The following RNGTT variants were observed in gnomAD, a reference collection of about 807,000 sequenced individuals.
RNGTT encodes the protein mRNA-capping enzyme.
In RNGTT, 33 loss-of-function variants were observed where a neutral mutation model predicts 79.3. The ratio of observed to expected loss-of-function variants is 0.42; its 90% CI spans 0.32 to 0.56. The LOEUF (loss-of-function observed/expected upper bound fraction) is 0.56, where lower values mean the gene tolerates loss of function less well. RNGTT is among the 20% of genes least tolerant of loss of function. RNGTT has a pLI of 0.17. For synonymous variants in RNGTT, 222 were observed against 235.9 expected (o/e 0.94, Z 0.54); for missense variants, 497 against 739.1 (o/e 0.67, Z 3.80).
chr6:88,919,707 CTTTTTTTTT>C (rs5878082), intron 4 of RNGTT, among the ~76,000 whole-genome samples: 1 of 58,480 alleles, frequency 1.7e-5, no homozygotes, highest in Non-Finnish European at 3.1e-5. Flanking sequence ...GTCAGTAGTT[CTTTTTTTTT>C]TTTTTTTTTT....
chr6:88,694,546 C>A (rs1214611254), intron 13 of RNGTT, among the ~76,000 whole-genome samples: 1 of 151,938 alleles, frequency 6.6e-6, no homozygotes, highest in African/African-American at 2.4e-5. Context: ...TCAATACAAT[C>A]CCTATCGAAA....
chr6:88,906,924 A>T (rs1312364533), intron 4 of RNGTT, among the ~76,000 whole-genome samples: 1 of 152,218 alleles, frequency 6.6e-6, no homozygotes, highest in African/African-American at 2.4e-5. Flanking sequence ...AGAGCAAATA[A>T]ACTAATAGAA....
At chr6:88,945,464 CTT>C (rs548418535) in intron 1 of RNGTT, among the ~76,000 whole-genome samples, 51 of 152,316 alleles carry the variant, frequency 3.3e-4, no homozygotes, top group African/African-American at 1.2e-3. Flanking sequence ...CACCCAAACT[CTT>C]GTTAGTTTCA....
chr6:88,879,489 C>T (rs1055245376), intron 8 of RNGTT, among the ~76,000 whole-genome samples: 4 of 152,170 alleles, frequency 2.6e-5, no homozygotes, highest in Admixed American at 6.5e-5. Flanking sequence ...TTCTACAACA[C>T]GCTATTCACA....
At chr6:88,732,853 A>T (rs1777160606) in intron 13 of RNGTT, among the ~76,000 whole-genome samples, 1 of 152,190 alleles carries the variant, frequency 6.6e-6, no homozygotes, top group Non-Finnish European at 1.5e-5. Context: ...GGATAAAAAA[A>T]GTTCTAGAGA....
chr6:88,761,426 C>A (rs573284424), intron 13 of RNGTT, among the ~76,000 whole-genome samples: 1 of 151,902 alleles, frequency 6.6e-6, no homozygotes, highest in Non-Finnish European at 1.5e-5. Flanking sequence ...GGGAGGTGGA[C>A]GGTACAGTGA....
intron 10 of RNGTT, among the ~76,000 whole-genome samples, chr6:88,847,198 C>T (rs1486222257): frequency 1.3e-5 from 2 of 151,880 alleles, no homozygotes; most frequent in African/African-American, 4.8e-5. Context: ...TGTGTTCTTC[C>T]CAAATTCCAA....
intron 14 of RNGTT, among the ~76,000 whole-genome samples, chr6:88,634,372 T>C (rs377496138): frequency 6.6e-6 from 1 of 152,100 alleles, no homozygotes; most frequent in South Asian, 2.1e-4. Context: ...TTTCCCACAA[T>C]AAAAATCTTA....
chr6:88,747,597 G>A (rs1244092063), intron 13 of RNGTT, among the ~76,000 whole-genome samples: 2 of 152,166 alleles, frequency 1.3e-5, no homozygotes, highest in African/African-American at 2.4e-5. Flanking sequence ...CTGTATCCCC[G>A]TGTTTGATGG....
rs760442698 is a variant in RNGTT, at chr6:88,929,031, A to G, written c.321T>C (p.Ile107=). The G allele has an allele frequency of 6.2e-7, 1 of 1,613,308 alleles. No homozygotes were observed. The highest frequency in any genetic ancestry group is 8.5e-7 in the Non-Finnish European group (1 of 1,179,682). The change falls in exon 4 of 16, where the codon ATT becomes ATC. Residue 107 remains isoleucine, a synonymous_variant. Transcript: ENST00000369485. ...CPTTENTETF[I]RLCERFNERN... ...TTTCATTAAACCGCTCACACAGACG[A>G]ATAAAGGTCTCAGTATTCTCAGTGG...
chr6:88,645,162 G>A (rs1773493677), intron 14 of RNGTT, among the ~76,000 whole-genome samples: 1 of 152,166 alleles, frequency 6.6e-6, no homozygotes, highest in African/African-American at 2.4e-5. Flanking sequence ...AAAGTCTCAG[G>A]ATACAAAATC....
chr6:88,873,937 C>T (rs1357489069), intron 8 of RNGTT, among the ~76,000 whole-genome samples: 1 of 152,130 alleles, frequency 6.6e-6, no homozygotes, highest in African/African-American at 2.4e-5. Flanking sequence ...TGCAAAATAA[C>T]AGGACACTGC....
chr6:88,880,444 T>G (rs58956446), intron 8 of RNGTT, among the ~76,000 whole-genome samples: 3,933 of 152,262 alleles, frequency 0.026, 169 homozygotes, highest in African/African-American at 0.086. Context: ...ATTTACCTTT[T>G]ATATTCAGTT....
At chr6:88,883,739 GCTTT>G (rs1207461734) in intron 8 of RNGTT, among the ~76,000 whole-genome samples, 1 of 151,876 alleles carries the variant, frequency 6.6e-6, no homozygotes, top group Non-Finnish European at 1.5e-5. Flanking sequence ...ATAAGGAAAG[GCTTT>G]CTAACTATAA....
chr6:88,812,654 G>T lies in RNGTT; in HGVS notation c.1270-11022C>A, dbSNP rs1780178242. Among the ~76,000 whole-genome samples, 5 of 152,180 alleles carry T rather than the reference G, an allele frequency of 3.3e-5. No individual in the cohort carries two copies. In the South Asian group the frequency reaches 1.0e-3, roughly 32 times the overall value. On this transcript the variant is annotated intron_variant, in intron 11 of 15. Transcript: ENST00000369485. ...CCAGGCCATAACCTGAACTGGACAG[G>T]GTATACAGTAAGACGGACGCGTGAG...
At chr6:88,731,387 GA>G (rs1777110108) in intron 13 of RNGTT, among the ~76,000 whole-genome samples, 1 of 152,110 alleles carries the variant, frequency 6.6e-6, no homozygotes, top group Admixed American at 6.5e-5. Flanking sequence ...TAACAGGCAG[GA>G]AAAACCACAG....
intron 14 of RNGTT, among the ~76,000 whole-genome samples, chr6:88,620,105 T>C (rs1393319194): frequency 2.0e-5 from 3 of 152,214 alleles, no homozygotes; most frequent in Non-Finnish European, 4.4e-5. Context: ...CTATTGGTGT[T>C]TGTGCCTCTA....
At chr6:88,650,019 T>G (rs541828734) in intron 14 of RNGTT, among the ~76,000 whole-genome samples, 58 of 152,192 alleles carry the variant, frequency 3.8e-4, no homozygotes, top group Non-Finnish European at 7.8e-4. Flanking sequence ...ATTAGATCGT[T>G]CAAACCAGTA....
intron 8 of RNGTT, among the ~76,000 whole-genome samples, chr6:88,875,671 A>C (rs530237554): frequency 3.3e-5 from 5 of 152,292 alleles, no homozygotes; most frequent in Admixed American, 2.6e-4. Context: ...ATTAAATGAG[A>C]TAAATGTTCT....
Sources: allele counts gnomAD v4.1 joint callset (sites outside exome capture counted in the v4.1 genomes callset), GRCh38; gene constraint gnomAD v4.1.1; transcripts MANE v1.5; gene names NCBI Gene and HGNC (gene_info 2026-07-23, HGNC 2026-07-21).